PCDHGA8: variants seen among roughly 807,000 people sequenced by gnomAD.
PCDHGA8 encodes protocadherin gamma-A8.
PCDHGA8 carries 45 observed loss-of-function variants against 59.2 expected under a neutral mutation model. The observed-to-expected ratio is 0.76, with a 90% CI of 0.60 to 0.98. The LOEUF (loss-of-function observed/expected upper bound fraction) is 0.98, where lower values mean the gene tolerates loss of function less well. PCDHGA8 is among the 50% of genes least tolerant of loss of function. PCDHGA8 has a pLI of 0.00. For missense variants in PCDHGA8, 1,257 were observed against 1,196.2 expected (o/e 1.05, Z -0.75); for synonymous variants, 531 against 519.0 (o/e 1.02, Z -0.32).
At chr5:141,468,853 G>C (rs893773356) in intron 1 of PCDHGA8, among the ~76,000 whole-genome samples, 5 of 150,898 alleles carry the variant, frequency 3.3e-5, no homozygotes, top group Non-Finnish European at 7.4e-5. Flanking sequence ...GCAACAGAGC[G>C]AGACTCCATC....
rs556183945 is a variant in PCDHGA8 at position 141,404,478 on chromosome 5, C to G, written c.2424+9241C>G. On this transcript the variant is annotated intron_variant, in intron 1 of 3. Coordinates refer to ENST00000398604, the MANE Select transcript of PCDHGA8 (RefSeq NM_032088.2). ...CTCTCCACCTATGTCTCTATTAACT[C>G]AGACACTGGTGTGCTGTATGCTCTG... 36 of 1,613,412 alleles carry G rather than the reference C, an allele frequency of 2.2e-5. No homozygotes were observed. In the South Asian group the frequency reaches 3.6e-4, roughly 16 times the overall value.
Position 141,476,104 on chromosome 5 carries a change from G to A in PCDHGA8, c.2425-18703G>A. 6.3e-7 allele frequency: 1 copy of A among 1,584,700 alleles called. No homozygotes were observed. Among genetic ancestry groups the A allele is most frequent in the Non-Finnish European group, 8.6e-7 (1 of 1,168,500 alleles). On this transcript the variant is annotated intron_variant, in intron 1 of 3. Coordinates refer to ENST00000398604, the MANE Select transcript of PCDHGA8 (RefSeq NM_032088.2). The surrounding 1 kb of genome is among the most constrained non-coding windows in gnomAD (Gnocchi z 7.6). ...GATCTGGACCCCGCTGAGAGGAACTGCTTTTGAGTGAGATGGTCCCAGAGG... is the reference window on the plus strand; with the variant it reads ...GATCTGGACCCCGCTGAGAGGAACTACTTTTGAGTGAGATGGTCCCAGAGG...
rs1003319572 is a variant in PCDHGA8 at position 141,393,881 on chromosome 5, G to A, written c.1068G>A (p.Val356=). The A allele has an allele frequency of 2.0e-5, 33 of 1,613,978 alleles. No homozygotes were observed. The highest frequency in any genetic ancestry group is 2.8e-5 in the Non-Finnish European group (33 of 1,179,880). The change falls in exon 1 of 4, where the codon GTG becomes GTA. Residue 356 remains valine, a synonymous_variant. Transcript: ENST00000398604. ...TCATTACGTCTTTGTTTAGCCCAGT[G>A]TTAGAAAATTCTCTTCCCGGGACAG... ...EVIITSLFSP[V]LENSLPGTVI...
intron 1 of PCDHGA8, chr5:141,399,349 C>T (rs1467940246): frequency 6.2e-7 from 1 of 1,613,932 alleles, no homozygotes; most frequent in East Asian, 2.2e-5. Context: ...AACCCTAGAC[C>T]GAGAGCAAAC....
chr5:141,393,113 G>C lies in PCDHGA8; in HGVS notation c.300G>C (p.Pro100=). Residue 100 remains proline (P), a synonymous_variant, in exon 1 of 4, where the codon CCG becomes CCC. Coordinates refer to ENST00000398604, the MANE Select transcript of PCDHGA8 (RefSeq NM_032088.2). ...GGGAGGAGCTCTGCGCTCAGAGCCC[G>C]CGGTGTCTGATAAATATTAACACCC... ...IDREELCAQS[P]RCLININTLV... 1 of 1,613,500 alleles carries C rather than the reference G, an allele frequency of 6.2e-7. No individual in the cohort carries two copies.
intron 1 of PCDHGA8, chr5:141,430,960 C>T (rs2097330619): frequency 6.2e-7 from 1 of 1,612,432 alleles, no homozygotes; most frequent in Non-Finnish European, 8.5e-7. Context: ...TCCGCATCAT[C>T]CCCAGAGGTA....
intron 1 of PCDHGA8, chr5:141,398,796 C>G (rs765198482): frequency 8.1e-6 from 13 of 1,613,920 alleles, no homozygotes; most frequent in Middle Eastern, 1.6e-4. Context: ...CACCCCTAAG[C>G]GGCACCACTG....
intron 1 of PCDHGA8, chr5:141,419,669 C>T: frequency 6.2e-7 from 1 of 1,612,840 alleles, no homozygotes; most frequent in Non-Finnish European, 8.5e-7. Context: ...CAATGCCTGG[C>T]TGTCCTACCA....
chr5:141,408,851 G>T, intron 1 of PCDHGA8: 4 of 1,613,574 alleles, frequency 2.5e-6, no homozygotes, highest in African/African-American at 1.3e-5. Context: ...TGCCTTGGAC[G>T]GAGGGGACCC....
chr5:141,474,170 T>G (rs535586079), intron 1 of PCDHGA8, among the ~76,000 whole-genome samples: 1 of 152,346 alleles, frequency 6.6e-6, no homozygotes, highest in South Asian at 2.1e-4. Flanking sequence ...GCCTTATTAT[T>G]GAGAAAACTA....
chr5:141,410,239 T>C, intron 1 of PCDHGA8: 2 of 1,614,024 alleles, frequency 1.2e-6, no homozygotes, highest in Admixed American at 1.7e-5. Flanking sequence ...GCGACCGCCC[T>C]GTACTCTCTG....
intron 3 of PCDHGA8, among the ~76,000 whole-genome samples, chr5:141,508,984 C>G (rs1039260828): frequency 4.7e-4 from 72 of 152,154 alleles, no homozygotes; most frequent in African/African-American, 1.7e-3. Context: ...GGGTGGGGGC[C>G]AGCTGGGGTA....
intron 1 of PCDHGA8, among the ~76,000 whole-genome samples, chr5:141,462,993 T>A (rs1350208420): frequency 1.3e-5 from 2 of 152,164 alleles, no homozygotes; most frequent in African/African-American, 4.8e-5. Flanking sequence ...TTGGGCTAAT[T>A]TAGACCTACC....
In PCDHGA8 at chr5:141,506,176, C is replaced by T. The variant is rs183157987; in HGVS notation, c.2572+695C>T. ...CCTTAAGAGCACAGCCTAAGCTGGG[C>T]GTGGTGGCTCACGCCTGTAATCCCA... is the stretch of plus-strand genomic sequence containing the variant. On this transcript the variant is annotated intron_variant, in intron 3 of 3. Coordinates refer to ENST00000398604, the MANE Select transcript of PCDHGA8 (RefSeq NM_032088.2). Among the ~76,000 whole-genome samples the T allele has an allele frequency of 3.0e-3, 454 of 152,234 alleles. 1 individual carries two copies. The highest frequency in any genetic ancestry group is 0.021 in the Admixed American group (317 of 15,296).
At chr5:141,460,616 TAGAC>T (rs533223594) in intron 1 of PCDHGA8, among the ~76,000 whole-genome samples, 44 of 152,232 alleles carry the variant, frequency 2.9e-4, no homozygotes, top group Middle Eastern at 3.4e-3. Context: ...GATGGATAGA[TAGAC>T]AGATACAGAT....
chr5:141,442,047 G>A (rs186626119), intron 1 of PCDHGA8: 64 of 202,912 alleles, frequency 3.2e-4, no homozygotes, highest in Admixed American at 9.3e-4. Context: ...GCGCCTACTG[G>A]TCGCGGTGCA....
chr5:141,459,843 T>C (rs1328781794), intron 1 of PCDHGA8, among the ~76,000 whole-genome samples: 1 of 152,228 alleles, frequency 6.6e-6, no homozygotes, highest in African/African-American at 2.4e-5. Context: ...TGTCTATTTG[T>C]ATATCTTCTT....
At chr5:141,398,256 G>C in intron 1 of PCDHGA8, 3 of 1,460,296 alleles carry the variant, frequency 2.1e-6, no homozygotes, top group Non-Finnish European at 9.3e-7. Flanking sequence ...AAATGCCCAA[G>C]GGCTCCGTAG....
At chr5:141,409,967 AC>A (rs779248187) in intron 1 of PCDHGA8, 29 of 1,613,086 alleles carry the variant, frequency 1.8e-5, no homozygotes, top group Non-Finnish European at 2.4e-5. Flanking sequence ...CTACCTAGTG[AC>A]TAAGGTGGTA....
Sources: gnomAD v4.1 joint callset for allele counts (sites outside exome capture counted in the v4.1 genomes callset) on GRCh38, gnomAD v4.1.1 for gene constraint, Gnocchi (gnomAD v3.1) non-coding constraint, MANE v1.5 for transcripts, NCBI Gene and HGNC (gene_info 2026-07-23, HGNC 2026-07-21) for gene names.